MTSS2: variants seen among roughly 807,000 people sequenced by gnomAD.
The protein encoded by MTSS2 is protein MTSS 2.
MTSS2 carries 27 observed loss-of-function variants against 67.1 expected under a neutral mutation model. That is an observed-to-expected ratio of 0.40 (90% CI 0.30 to 0.55). The LOEUF (loss-of-function observed/expected upper bound fraction) is 0.55. MTSS2 is among the 20% of genes least tolerant of loss of function. MTSS2 has a pLI of 0.43. For synonymous variants in MTSS2, 624 were observed against 468.6 expected (o/e 1.33, Z -4.28); for missense variants, 1,171 against 1,067.8 (o/e 1.10, Z -1.35).
Position 70,664,257 on chromosome 16 carries a change from G to T in MTSS2, c.1664C>A (p.Ser555Ter). 6.4e-7 allele frequency: 1 copy of T among 1,561,390 alleles called. No individual in the cohort carries two copies. The highest frequency in any genetic ancestry group is 8.6e-7 in the Non-Finnish European group (1 of 1,160,306). The change falls in exon 15 of 15, where the codon TCG becomes TAG. Residue 555 changes from serine (S) to a stop codon, truncating the protein, a stop_gained. Transcript: ENST00000338779. LOFTEE classifies it low-confidence loss of function (END_TRUNC). ...GGTGGCCACGCCGGGGGGTGCGCCC[G>T]AGGGCAGGCCAGTGGCCGTGGGCAG... ...AGLPTATGLP[S>*]GAPPGVATIR...
chr16:70,664,172 G>T lies in MTSS2; in HGVS notation c.1749C>A (p.Pro583=). Residue 583 remains proline (P), a synonymous_variant, in exon 15 of 15, where the codon CCC becomes CCA. Coordinates refer to ENST00000338779, the MANE Select transcript of MTSS2 (RefSeq NM_138383.3). The stretch of plus-strand genomic sequence containing the variant: ...GGACGATGGGCGGCCGGATGGGGAT[G>T]GGGCCAGCGCTGGACAGGGCGCGGC... ...TVRRALSSAG[P]IPIRPPIVPV... is the part of the protein sequence containing the mutation. 6.2e-7 allele frequency: 1 copy of T among 1,605,432 alleles called. No individual in the cohort carries two copies. Among genetic ancestry groups the T allele is most frequent in the Non-Finnish European group, 8.5e-7 (1 of 1,179,348 alleles).
At chr16:70,664,892 G>C (rs756925144) in intron 13 of MTSS2, 28 bp downstream of exon 13, 2 of 1,526,164 alleles carry the variant, frequency 1.3e-6, no homozygotes, top group African/African-American at 1.4e-5. Context: ...ACTGACCTGG[G>C]CGTGAAGGGG....
chr16:70,685,332 C>T (rs2053418574), intron 1 of MTSS2, among the ~76,000 whole-genome samples: 2 of 152,158 alleles, frequency 1.3e-5, no homozygotes, highest in South Asian at 4.2e-4. Flanking sequence ...TGTCTGGGCT[C>T]CGGGGCCGTG....
Position 70,674,293 on chromosome 16 carries a change from A to T in MTSS2, c.1053+13T>A. 6.2e-7 allele frequency: 1 copy of T among 1,610,694 alleles called. No homozygotes were observed. The highest frequency in any genetic ancestry group is 8.5e-7 in the Non-Finnish European group (1 of 1,178,618). On this transcript the variant is annotated intron_variant, in intron 11 of 14. Transcript: ENST00000338779. ...GCACCCCACCCTGACTGATCCTCCT[A>T]ACGCCCCCTCACCTGGCTGGTGATG...
At chr16:70,679,927 G>GCCCCGTCC in intron 4 of MTSS2, 44 bp downstream of exon 4, 3 of 1,491,358 alleles carry the variant, frequency 2.0e-6, no homozygotes, top group Non-Finnish European at 2.7e-6. Flanking sequence ...CCCCCGCGAC[G>GCCCCGTCC]CCCCGTCCCC....
chr16:70,677,744 TCTC>T (rs2053166222), intron 9 of MTSS2, 45 bp downstream of exon 9: 2 of 1,457,926 alleles, frequency 1.4e-6, no homozygotes, highest in Non-Finnish European at 1.9e-6. Flanking sequence ...GGGCAGCCCA[TCTC>T]CTCCCTGCCC....
intron 1 of MTSS2, among the ~76,000 whole-genome samples, chr16:70,682,714 A>G (rs2053339249): frequency 6.7e-6 from 1 of 148,368 alleles, no homozygotes; most frequent in South Asian, 2.2e-4. Flanking sequence ...TTATTTGTTT[A>G]TATCCGCCTC....
intron 12 of MTSS2, 91 bp downstream of exon 12, chr16:70,665,375 G>T: frequency 7.4e-7 from 1 of 1,358,458 alleles, no homozygotes; most frequent in Non-Finnish European, 1.0e-6. Context: ...GCTGAACCCA[G>T]GCCCTTTGTG....
Position 70,685,869 on chromosome 16 carries a change from C to T in MTSS2, c.-78G>A, listed in dbSNP as rs2053442909. 2.4e-6 allele frequency: 2 copies of T among 821,428 alleles called. No homozygotes were observed. Among genetic ancestry groups the T allele is most frequent in the Non-Finnish European group, 3.0e-6 (2 of 672,856 alleles). The allele number at this position is 821,428 out of a possible 1,614,324, so 50.9% of individuals were successfully genotyped here. The stretch of plus-strand genomic sequence containing the variant: ...CAGCGCAAGGGAGGGGGCCAGGCCG[C>T]GCGGGCGCTCGCTCCGAGGCCGGGC... On this transcript the variant is annotated 5_prime_UTR_variant, in exon 1 of 15. Transcript: ENST00000338779.
chr16:70,663,727 G>A lies in MTSS2; in HGVS notation c.2194C>T (p.Arg732Trp), dbSNP rs964011984. 22 of 1,581,550 alleles carry A rather than the reference G, an allele frequency of 1.4e-5. 1 individual carries two copies. The highest frequency in any genetic ancestry group is 2.7e-5 in the African/African-American group (2 of 74,310). ...TCGTTGGTGACGGTCCTGCGGAGCCGGACCCCACGCCGGATGGCCACCAGC... is the reference window on the plus strand; with the variant it reads ...TCGTTGGTGACGGTCCTGCGGAGCCAGACCCCACGCCGGATGGCCACCAGC... ...DMLVAIRRGVRLRRTVTNDRS... is the reference protein window; with the variant it reads ...DMLVAIRRGVWLRRTVTNDRS... The change falls in exon 15 of 15, where the codon CGG becomes TGG. Residue 732 changes from arginine to tryptophan, a missense_variant. Arg to Trp is a moderately radical substitution (Grantham distance 101). Transcript: ENST00000338779.
In MTSS2 at chr16:70,674,402, G is replaced by A. The variant is rs1194923780; in HGVS notation, c.957C>T (p.Arg319=). The A allele has an allele frequency of 6.2e-7, 1 of 1,614,090 alleles. No individual in the cohort carries two copies. Among genetic ancestry groups the A allele is most frequent in the South Asian group, 1.1e-5 (1 of 91,090 alleles). Residue 319 remains arginine (R), a synonymous_variant, in exon 11 of 15, where the codon CGC becomes CGT. Transcript: ENST00000338779. ...AGTCATGGGAGGAAACGCTGGAGAG[G>A]CGAGCGGTGGTGGTGGCTGGCTGCG... The part of the protein sequence containing the change: ...SLAQPATTTA[R]LSSVSSHDSG...
intron 11 of MTSS2, 95 bp downstream of exon 11, chr16:70,674,209 AGT>A: frequency 1.1e-6 from 1 of 934,040 alleles, no homozygotes; most frequent in Non-Finnish European, 1.5e-6. Flanking sequence ...CAGCTATAGT[AGT>A]CTCAACAGCT....
chr16:70,677,836 C>A lies in MTSS2; in HGVS notation c.688G>T (p.Val230Leu). 1.2e-6 allele frequency: 2 copies of A among 1,612,482 alleles called. No homozygotes were observed. The highest frequency in any genetic ancestry group is 1.7e-6 in the Non-Finnish European group (2 of 1,179,640). Residue 230 changes from valine (V) to leucine (L), a missense_variant, in exon 9 of 15, where the codon GTG becomes TTG. This residue lies in a region of MTSS2 where 924 missense variants were observed against 756.0 expected (regional missense o/e 1.22). Coordinates refer to ENST00000338779, the MANE Select transcript of MTSS2 (RefSeq NM_138383.3). ...AGTTTGTGGGGTTCTGCTGTCAGCACCACCAAGTCGTCGATGATGCCCTGC... is the reference window on the plus strand; with the variant it reads ...AGTTTGTGGGGTTCTGCTGTCAGCAACACCAAGTCGTCGATGATGCCCTGC... ...HLQGIIDDLV[V>L]LTAEPHKLPP... is the part of the protein sequence containing the mutation.
chr16:70,663,412 G>A lies in MTSS2; in HGVS notation c.*265C>T. The A allele has an allele frequency of 1.9e-6, 1 of 529,430 alleles. No individual in the cohort carries two copies. The highest frequency in any genetic ancestry group is 3.2e-6 in the Non-Finnish European group (1 of 313,528). 32.8% of individuals were successfully genotyped at this position (529,430 alleles called of 1,614,324 possible). ...TGGGTAGGGAAGAGGCAGGGCCCCA[G>A]AGGAGGAAGAGGAGGGACCGAAGAG... On this transcript the variant is annotated 3_prime_UTR_variant, in exon 15 of 15. Coordinates refer to ENST00000338779, the MANE Select transcript of MTSS2 (RefSeq NM_138383.3).
At chr16:70,673,505 C>G (rs965496645) in intron 11 of MTSS2, among the ~76,000 whole-genome samples, 3 of 151,934 alleles carry the variant, frequency 2.0e-5, no homozygotes, top group African/African-American at 4.8e-5. Context: ...TGTTTACAGA[C>G]AAACAAACAA....
At chr16:70,679,926 C>CGG in intron 4 of MTSS2, 45 bp downstream of exon 4, 2 of 1,513,010 alleles carry the variant, frequency 1.3e-6, no homozygotes, top group Non-Finnish European at 8.8e-7. Context: ...TCCCCCGCGA[C>CGG]GCCCCGTCCC....
intron 7 of MTSS2, among the ~76,000 whole-genome samples, chr16:70,679,045 G>A (rs1292029192): frequency 2.6e-5 from 4 of 152,178 alleles, no homozygotes; most frequent in Admixed American, 6.5e-5. Context: ...TGGTGGGGGC[G>A]GGGCAGCCAG....
chr16:70,685,430 A>G (rs1209169629), intron 1 of MTSS2, among the ~76,000 whole-genome samples: 1 of 152,110 alleles, frequency 6.6e-6, no homozygotes, highest in East Asian at 1.9e-4. Flanking sequence ...TCCAAACCCC[A>G]TTCATGGTTT....
Position 70,663,429 on chromosome 16 carries a change from A to C in MTSS2, c.*248T>G. On this transcript the variant is annotated 3_prime_UTR_variant, in exon 15 of 15. Coordinates refer to ENST00000338779, the MANE Select transcript of MTSS2 (RefSeq NM_138383.3). ...GGGCCCCAGAGGAGGAAGAGGAGGG[A>C]CCGAAGAGCATAAAACAGACCCCGA... is the stretch of plus-strand genomic sequence containing the variant. 1 of 587,496 alleles carries C rather than the reference A, an allele frequency of 1.7e-6. No individual in the cohort carries two copies. Among genetic ancestry groups the C allele is most frequent in the East Asian group, 3.3e-5 (1 of 30,366 alleles). The allele number at this position is 587,496 out of a possible 1,614,324, so 36.4% of individuals were successfully genotyped here.
Sources: allele counts gnomAD v4.1 joint callset (sites outside exome capture counted in the v4.1 genomes callset), GRCh38; gene constraint gnomAD v4.1.1; regional missense constraint gnomAD v4.1.1; transcripts MANE v1.5; gene names NCBI Gene and HGNC (gene_info 2026-07-23, HGNC 2026-07-21).